Variants in PPCS observed in about 807,000 individuals in gnomAD.
PPCS encodes phosphopantothenoylcysteine synthetase.
Under a neutral mutation model 24.6 loss-of-function variants are expected in PPCS, and 17 were observed. That is an observed-to-expected ratio of 0.69 (90% CI 0.47 to 1.04). PPCS has a LOEUF of 1.04. Among genes scored for constraint, PPCS ranks in the 50% least tolerant of loss-of-function variants. PPCS has a pLI of 0.00. For missense variants in PPCS, 360 were observed against 402.8 expected (o/e 0.89, Z 0.91); for synonymous variants, 190 against 168.3 (o/e 1.13, Z -1.00).
downstream of PPCS, among the ~76,000 whole-genome samples, chr1:42,461,476 C>T (rs1473406683): frequency 6.6e-6 from 1 of 152,104 alleles, no homozygotes; most frequent in Non-Finnish European, 1.5e-5. Context: ...GCTGAGACTA[C>T]AGGTGTGTGC....
chr1:42,469,770 T>C (rs1199836724), intron 2 of PPCS, among the ~76,000 whole-genome samples: 1 of 152,174 alleles, frequency 6.6e-6, no homozygotes, highest in Admixed American at 6.5e-5. Flanking sequence ...GACTGTTTTA[T>C]GATGACCTTT....
rs746009484 is a variant in PPCS at position 42,456,836 on chromosome 1, C to T, written c.271C>T (p.Pro91Ser). The T allele has an allele frequency of 2.5e-6, 4 of 1,613,548 alleles. No individual in the cohort carries two copies. The South Asian group carries it at 3.3e-5, about 13-fold the overall frequency. The change falls in exon 1 of 3, where the codon CCC becomes TCC. Residue 91 changes from proline to serine, a missense_variant. By Grantham distance (74) the Pro-to-Ser change is moderately conservative. This residue lies in a region of PPCS where 244 missense variants were observed against 234.7 expected (regional missense o/e 1.04). Coordinates refer to ENST00000372561, the MANE Select transcript of PPCS (RefSeq NM_024664.4). ...CTTGTATCGCGCTCGCTCTGCCTTC[C>T]CCTATGCCCACCGCTTCCCACCCCA... is the stretch of plus-strand genomic sequence containing the variant. Reference protein sequence around the residue: ...LFLYRARSAFPYAHRFPPQTW... With the variant: ...LFLYRARSAFSYAHRFPPQTW...
At chr1:42,463,138 G>A (rs1416938744), downstream of PPCS, among the ~76,000 whole-genome samples, 2 of 152,206 alleles carry the variant, frequency 1.3e-5, no homozygotes, top group Non-Finnish European at 2.9e-5. Context: ...GATACGGCCG[G>A]GACAACTCCG....
At chr1:42,466,427 G>C (rs1643584755) in intron 2 of PPCS, among the ~76,000 whole-genome samples, 1 of 152,136 alleles carries the variant, frequency 6.6e-6, no homozygotes, top group Admixed American at 6.5e-5. Context: ...ACATCTAGAA[G>C]TTTTTGGAGG....
In PPCS at chr1:42,457,227, C is replaced by T. The variant is rs1643239348; in HGVS notation, c.509-20C>T. 1.2e-6 allele frequency: 2 copies of T among 1,613,822 alleles called. No individual in the cohort carries two copies. Among genetic ancestry groups the T allele is most frequent in the African/African-American group, 1.3e-5 (1 of 75,030 alleles). ...ATCGTACCTCGCCGATTTGTTAACA[C>T]CTTGTGTTTCTCTTTGCAGGCCCTT... On this transcript the variant is annotated intron_variant, in intron 1 of 2. Coordinates refer to ENST00000372561, the MANE Select transcript of PPCS (RefSeq NM_024664.4).
At position 42,457,297 on chromosome 1, in the gene PPCS, C is replaced by T. The variant is rs756246514; in HGVS notation, c.559C>T (p.Pro187Ser). 1 of 1,614,192 alleles carries T rather than the reference C, an allele frequency of 6.2e-7. No individual in the cohort carries two copies. Among genetic ancestry groups the T allele is most frequent in the Non-Finnish European group, 8.5e-7 (1 of 1,180,036 alleles). ...LAAAVSDFYV[P>S]VSEMPEHKIQ... ...TGCGGCTGTGTCAGATTTCTATGTT[C>T]CTGTCTCTGAAATGCCTGAACACAA... The change falls in exon 2 of 3, where the codon CCT becomes TCT. Residue 187 changes from proline (P) to serine (S), a missense_variant. By Grantham distance (74) the Pro-to-Ser change is moderately conservative (BLOSUM62 -1). Transcript: ENST00000372561.
intron 2 of PPCS, among the ~76,000 whole-genome samples, chr1:42,470,343 T>C (rs1643729001): frequency 6.6e-6 from 1 of 152,056 alleles, no homozygotes; most frequent in South Asian, 2.1e-4. Context: ...TGTGAAGATA[T>C]TAAGACCTGC....
rs1365837794 is a variant in PPCS, at chr1:42,460,724, T to C, written c.*798T>C. ...AGCCAGCTGTGCCACCTATTAGCTT[T>C]ATAAACTTAGGCATTTGACTTAATC... On this transcript the variant is annotated 3_prime_UTR_variant, in exon 3 of 3. Transcript: ENST00000372561. Among the ~76,000 whole-genome samples the C allele has an allele frequency of 6.6e-6, 1 of 152,200 alleles. No individual in the cohort carries two copies. Among genetic ancestry groups the C allele is most frequent in the Non-Finnish European group, 1.5e-5 (1 of 68,046 alleles).
chr1:42,473,268 G>A, exon 3 of PPCS: 2 of 1,231,568 alleles, frequency 1.6e-6, no homozygotes, highest in Non-Finnish European at 2.0e-6. Context: ...AGATGTAGAA[G>A]AGCTTATAGT....
downstream of PPCS, among the ~76,000 whole-genome samples, chr1:42,462,202 A>C (rs1403344507): frequency 1.3e-5 from 2 of 152,142 alleles, no homozygotes; most frequent in Non-Finnish European, 2.9e-5. Context: ...TATTTACACA[A>C]GTAAAAATTC....
In PPCS at chr1:42,460,057, A is replaced by C; in HGVS notation, c.*131A>C. 7.1e-7 allele frequency: 1 copy of C among 1,417,256 alleles called. No individual in the cohort carries two copies. Among genetic ancestry groups the C allele is most frequent in the East Asian group, 2.5e-5 (1 of 39,952 alleles). The allele number at this position is 1,417,256 out of a possible 1,614,324, so 87.8% of individuals were successfully genotyped here. ...GGAAAAGGCAGTGGTGTGTAGGCAA[A>C]TATGGTTTGGCATTTGTCTTTTAAT... On this transcript the variant is annotated 3_prime_UTR_variant, in exon 3 of 3. Coordinates refer to ENST00000372561, the MANE Select transcript of PPCS (RefSeq NM_024664.4).
Position 42,459,899 on chromosome 1 carries a change from C to T in PPCS, c.909C>T (p.His303=). ...EKIVDNLQSR[H]TAFIGDRN ...TAGTGGATAATCTTCAGTCTCGACA[C>T]ACAGCTTTTATAGGTGACAGAAACT... Residue 303 remains histidine (H), a synonymous_variant, in exon 3 of 3, where the codon CAC becomes CAT. Transcript: ENST00000372561. 6.2e-7 allele frequency: 1 copy of T among 1,612,090 alleles called. No homozygotes were observed. Among genetic ancestry groups the T allele is most frequent in the South Asian group, 1.1e-5 (1 of 91,002 alleles).
At chr1:42,472,488 G>A (rs1428579106) in intron 2 of PPCS, among the ~76,000 whole-genome samples, 3 of 152,118 alleles carry the variant, frequency 2.0e-5, no homozygotes, top group Non-Finnish European at 4.4e-5. Flanking sequence ...ATCCTGGATA[G>A]TATAGAATTA....
chr1:42,459,890 G>T lies in PPCS; in HGVS notation c.900G>T (p.Gln300His). The change falls in exon 3 of 3, where the codon CAG (glutamine) becomes CAT (histidine). Residue 300 changes from glutamine to histidine, a missense_variant. Transcript: ENST00000372561. ...EIEEKIVDNL[Q>H]SRHTAFIGDR... is the part of the protein sequence containing the mutation. ...AAGAGAAGATAGTGGATAATCTTCAGTCTCGACACACAGCTTTTATAGGTG... is the reference window on the plus strand; with the variant it reads ...AAGAGAAGATAGTGGATAATCTTCATTCTCGACACACAGCTTTTATAGGTG... The T allele has an allele frequency of 6.2e-7, 1 of 1,613,086 alleles. No individual in the cohort carries two copies. The highest frequency in any genetic ancestry group is 8.5e-7 in the Non-Finnish European group (1 of 1,179,362).
rs895301555 is a variant in PPCS, at chr1:42,460,651, C to G, written c.*725C>G. Among the ~76,000 whole-genome samples, 7 of 152,120 alleles carry G rather than the reference C, an allele frequency of 4.6e-5. No homozygotes were observed. The highest frequency in any genetic ancestry group is 1.7e-4 in the African/African-American group (7 of 41,424). On this transcript the variant is annotated 3_prime_UTR_variant, in exon 3 of 3. Coordinates refer to ENST00000372561, the MANE Select transcript of PPCS (RefSeq NM_024664.4). ...CAGGGGCCACTTGGTGATCTCTGTC[C>G]TGAGGGATGCATTACAGTGTGGTAG...
chr1:42,463,373 C>T (rs1265111551), downstream of PPCS: 1 of 152,244 alleles, frequency 6.6e-6, no homozygotes, highest in Admixed American at 6.5e-5. Flanking sequence ...GCGGCACCCT[C>T]CGCAGGAAAA....
At chr1:42,473,196 A>G in exon 3 of PPCS, 2 of 1,231,298 alleles carry the variant, frequency 1.6e-6, no homozygotes, top group Non-Finnish European at 2.0e-6. Context: ...CTACAGAAGA[A>G]CAACTCTGTT....
chr1:42,466,843 C>G (rs1024996647), intron 2 of PPCS, among the ~76,000 whole-genome samples: 2 of 152,146 alleles, frequency 1.3e-5, no homozygotes, highest in African/African-American at 4.8e-5. Flanking sequence ...TGAGCCTCTG[C>G]GCCCGGCCAA....
chr1:42,460,438 A>G lies in PPCS; in HGVS notation c.*512A>G, dbSNP rs1324192868. ...GGATGTTTTGTTTTGTTTGAAATTT[A>G]TCAAATATAGTAGTAGGAAAGAAGG... On this transcript the variant is annotated 3_prime_UTR_variant, in exon 3 of 3. Coordinates refer to ENST00000372561, the MANE Select transcript of PPCS (RefSeq NM_024664.4). 1 of 959,226 alleles carries G rather than the reference A, an allele frequency of 1.0e-6. No individual in the cohort carries two copies. Among genetic ancestry groups the G allele is most frequent in the African/African-American group, 1.8e-5 (1 of 56,702 alleles). The allele number at this position is 959,226 out of a possible 1,614,324, so 59.4% of individuals were successfully genotyped here.
Sources: allele counts gnomAD v4.1 joint callset (sites outside exome capture counted in the v4.1 genomes callset), GRCh38; gene constraint gnomAD v4.1.1; regional missense constraint gnomAD v4.1.1; transcripts MANE v1.5; gene names NCBI Gene and HGNC (gene_info 2026-07-23, HGNC 2026-07-21).